The following OR51B5 variants were observed in gnomAD, a reference collection of about 807,000 sequenced individuals.
The protein encoded by OR51B5 is olfactory receptor family 51 subfamily B member 5.
For synonymous variants in OR51B5, 186 were observed against 144.8 expected, an observed-to-expected ratio of 1.28 and a Z score of -2.04; for missense variants, 456 against 374.6, an observed-to-expected ratio of 1.22 and a Z score of -1.79.
intron 1 of OR51B5, among the ~76,000 whole-genome samples, chr11:5,483,904 A>G (rs773094052): frequency 1.3e-5 from 2 of 152,102 alleles, no homozygotes; most frequent in Non-Finnish European, 2.9e-5. Context: ...TTCAACACGA[A>G]TTACACATTC....
At chr11:5,430,727 T>A (rs1213769942) in intron 1 of OR51B5, 1 of 456,888 alleles carries the variant, frequency 2.2e-6, no homozygotes, top group Non-Finnish European at 4.4e-6. Context: ...ACACTATAGA[T>A]GATGGGATTA....
Position 5,372,851 on chromosome 11 carries a change from C to G in OR51B5, n.85-25941G>C, listed in dbSNP as rs547059827. 8.8e-4 allele frequency among the ~76,000 whole-genome samples: 134 copies of G among 152,202 alleles called. 1 individual carries two copies. Among genetic ancestry groups the G allele is most frequent in the African/African-American group, 3.0e-3 (126 of 41,522 alleles). On this transcript the variant is annotated intron_variant and non_coding_transcript_variant, in intron 1 of 4. Transcript: ENST00000415970. ...AATTTGTATGAAACCACAGAACACCCCCAAATGGCCAAAACAATCTTGAGA... is the reference window on the plus strand; with the variant it reads ...AATTTGTATGAAACCACAGAACACCGCCAAATGGCCAAAACAATCTTGAGA...
chr11:5,432,818 G>A (rs1244952643), intron 1 of OR51B5, among the ~76,000 whole-genome samples: 1 of 152,154 alleles, frequency 6.6e-6, no homozygotes, highest in African/African-American at 2.4e-5. Flanking sequence ...ATCTTCTCTT[G>A]TAGTAAGGTT....
At chr11:5,403,590 G>T (rs1198970264) in intron 1 of OR51B5, 3 of 447,094 alleles carry the variant, frequency 6.7e-6, no homozygotes, top group Non-Finnish European at 1.4e-5. Flanking sequence ...TTGTTTGCTT[G>T]CTCTCTATAA....
intron 1 of OR51B5, among the ~76,000 whole-genome samples, chr11:5,400,632 T>C (rs1245722090): frequency 6.6e-6 from 1 of 152,240 alleles, no homozygotes; most frequent in Non-Finnish European, 1.5e-5. Context: ...TAGTACTTAA[T>C]ATAATTGCAA....
chr11:5,342,917 A>G (rs1848921475), exon 1 of OR51B5: 2 of 1,613,830 alleles, frequency 1.2e-6, no homozygotes, highest in African/African-American at 1.3e-5. Context: ...CACAAATATA[A>G]AGACTACAAG....
rs907320601 is a variant in OR51B5 at position 5,422,408 on chromosome 11, C to G, written n.85-75498G>C. The G allele has an allele frequency of 1.9e-6, 3 of 1,614,074 alleles. No individual in the cohort carries two copies. Among genetic ancestry groups the G allele is most frequent in the Non-Finnish European group, 2.5e-6 (3 of 1,180,030 alleles). ...GTATCTGTTTCTCTCCATGCTGGCC[C>G]TGACGGACCTGGGTCTCACCCTCAC... On this transcript the variant is annotated intron_variant and non_coding_transcript_variant, in intron 1 of 4. Transcript: ENST00000415970.
intron 1 of OR51B5, among the ~76,000 whole-genome samples, chr11:5,410,848 A>C (rs1332469663): frequency 6.6e-6 from 1 of 152,176 alleles, no homozygotes; most frequent in Non-Finnish European, 1.5e-5. Flanking sequence ...AAAAGTAAAA[A>C]CAAATACATA....
chr11:5,415,399 A>G lies in OR51B5; in HGVS notation n.85-68489T>C, dbSNP rs551388102. 4.9e-4 allele frequency among the ~76,000 whole-genome samples: 74 copies of G among 151,564 alleles called. 1 individual carries two copies. Among genetic ancestry groups the G allele is most frequent in the East Asian group, 2.5e-3 (13 of 5,164 alleles). ...GCAAGAGCAAACATATTCAAAAGCT[A>G]GCAGAAGGCAAGAAATAACTAAAAT... is the stretch of plus-strand genomic sequence containing the variant. On this transcript the variant is annotated intron_variant and non_coding_transcript_variant, in intron 1 of 4. Transcript: ENST00000415970.
intron 1 of OR51B5, among the ~76,000 whole-genome samples, chr11:5,436,812 A>G (rs1433377363): frequency 1.3e-5 from 2 of 152,212 alleles, no homozygotes; most frequent in Non-Finnish European, 2.9e-5. Flanking sequence ...TATTGTATAC[A>G]TACCTCAAAG....
chr11:5,489,669 G>A, intron 1 of OR51B5: 2 of 1,587,590 alleles, frequency 1.3e-6, no homozygotes, highest in Non-Finnish European at 1.7e-6. Flanking sequence ...TATGAATGCT[G>A]AGCAGAAGTT....
At chr11:5,456,460 C>T (rs1472612697) in intron 1 of OR51B5, 1 of 151,912 alleles carries the variant, frequency 6.6e-6, no homozygotes, top group Non-Finnish European at 1.5e-5. Context: ...TTTTTTTGAC[C>T]TTGGGTTAAA....
upstream of OR51B5, among the ~76,000 whole-genome samples, chr11:5,344,274 TTATAA>T (rs1848954696): frequency 6.6e-6 from 1 of 152,230 alleles, no homozygotes; most frequent in Non-Finnish European, 1.5e-5. Context: ...AAGACATCAC[TTATAA>T]TAGTGTATCT....
intron 1 of OR51B5, among the ~76,000 whole-genome samples, chr11:5,369,621 A>T (rs976464465): frequency 6.6e-6 from 1 of 152,102 alleles, no homozygotes; most frequent in African/African-American, 2.4e-5. Flanking sequence ...TAAAGTAAAG[A>T]CCTTTTATCC....
intron 1 of OR51B5, chr11:5,389,682 G>A: frequency 3.1e-6 from 5 of 1,613,572 alleles, no homozygotes; most frequent in Non-Finnish European, 4.2e-6. Flanking sequence ...ACCACTATGG[G>A]GATCTTCTGG....
intron 1 of OR51B5, among the ~76,000 whole-genome samples, chr11:5,360,443 A>G (rs1460826832): frequency 1.3e-5 from 2 of 151,186 alleles, no homozygotes; most frequent in African/African-American, 4.9e-5. Flanking sequence ...ACAGTGAGAT[A>G]CCATCTCACA....
At chr11:5,473,091 T>C (rs1851252873) in intron 1 of OR51B5, among the ~76,000 whole-genome samples, 1 of 152,242 alleles carries the variant, frequency 6.6e-6, no homozygotes, top group African/African-American at 2.4e-5. Context: ...TGTTCATGTT[T>C]CAAATTCCTT....
chr11:5,396,597 AG>A (rs1849876050), intron 1 of OR51B5, among the ~76,000 whole-genome samples: 1 of 152,044 alleles, frequency 6.6e-6, no homozygotes, highest in Non-Finnish European at 1.5e-5. Flanking sequence ...ATGGATAGGA[AG>A]AAACAATATC....
intron 1 of OR51B5, among the ~76,000 whole-genome samples, chr11:5,421,228 C>T (rs985626009): frequency 3.3e-5 from 5 of 152,210 alleles, no homozygotes; most frequent in Non-Finnish European, 5.9e-5. Flanking sequence ...AATCCTGAAG[C>T]GACCTGCCAC....
Sources: allele counts gnomAD v4.1 joint callset (sites outside exome capture counted in the v4.1 genomes callset), GRCh38; gene constraint gnomAD v4.1.1; transcripts MANE v1.5; gene names NCBI Gene and HGNC (gene_info 2026-07-23, HGNC 2026-07-21).